The following ZNF337 variants were observed in gnomAD, a reference collection of about 807,000 sequenced individuals.
ZNF337 encodes the protein zinc finger protein 337.
Under a neutral mutation model 12.1 loss-of-function variants are expected in ZNF337, and 8 were observed. The observed-to-expected ratio is 0.66, with a 90% confidence interval of 0.39 to 1.19. The LOEUF (loss-of-function observed/expected upper bound fraction) is 1.19, where lower values mean the gene tolerates loss of function less well. Ranked by LOEUF, ZNF337 falls within the 50% of genes most tolerant of loss-of-function variation. The probability of loss-of-function intolerance (pLI) is 0.01; values close to 1 mark genes in which losing one functional copy is unlikely to be tolerated. For missense variants in ZNF337, 882 were observed against 896.6 expected (o/e 0.98, Z 0.21); for synonymous variants, 336 against 320.0 (o/e 1.05, Z -0.53).
In ZNF337 at chr20:25,677,069, A is replaced by G. The variant is rs145097207; in HGVS notation, c.251-32T>C. The G allele has an allele frequency of 5.4e-3, 8,029 of 1,496,092 alleles. 38 individuals carry two copies. The highest frequency in any genetic ancestry group is 9.4e-3 in the South Asian group (703 of 74,946). The allele number at this position is 1,496,092 out of a possible 1,614,324, so 92.7% of individuals were successfully genotyped here. On this transcript the variant is annotated intron_variant, in intron 4 of 4. Transcript: ENST00000252979. The stretch of plus-strand genomic sequence containing the variant: ...AATAGACCAACAATGAGACTGAATC[A>G]GTAACGAAAAGTCTTCTATGAAAGA...
At position 25,676,964 on chromosome 20, in the gene ZNF337, A is replaced by G; in HGVS notation, c.324T>C (p.Phe108=). The change falls in exon 5 of 5, where the codon TTT becomes TTC. Residue 108 remains phenylalanine (F), a synonymous_variant. Coordinates refer to ENST00000252979, the MANE Select transcript of ZNF337 (RefSeq NM_015655.4). ...LAHQRQQQLQ[F]SDQSFQSDTA... ...TGTCACTCTGGAAGCTTTGATCAGA[A>G]AATTGTAGTTGCTGTTGCCTCTGAT... The G allele has an allele frequency of 6.2e-7, 1 of 1,614,076 alleles. No individual in the cohort carries two copies. The highest frequency in any genetic ancestry group is 8.5e-7 in the Non-Finnish European group (1 of 1,180,002).
chr20:25,690,063 A>G (rs2065871649), intron 1 of ZNF337, among the ~76,000 whole-genome samples: 1 of 152,182 alleles, frequency 6.6e-6, no homozygotes, highest in Non-Finnish European at 1.5e-5. Flanking sequence ...ATGCATGTGG[A>G]TCGCTTGATC....
At chr20:25,686,531 TGTG>T in intron 1 of ZNF337, 65 bp from the exon 2 acceptor site, 1 of 1,273,896 alleles carries the variant, frequency 7.8e-7, no homozygotes, top group Non-Finnish European at 1.1e-6. Flanking sequence ...TGACAGTTGG[TGTG>T]ATTCCAATAC....
intron 1 of ZNF337, among the ~76,000 whole-genome samples, chr20:25,691,682 G>A (rs1171290378): frequency 6.6e-6 from 1 of 152,148 alleles, no homozygotes; most frequent in African/African-American, 2.4e-5. Flanking sequence ...ATGGGGGTGG[G>A]GAGGGTAGCA....
In ZNF337 at chr20:25,686,438, C is replaced by A. The variant is rs189102189; in HGVS notation, c.-21G>T. 6.2e-7 allele frequency: 1 copy of A among 1,613,832 alleles called. No homozygotes were observed. The highest frequency in any genetic ancestry group is 1.7e-5 in the Admixed American group (1 of 59,996). Reference sequence around the variant, plus strand: ...CCCATGACTGTCTTCCTGCTCTCCACGGAGAAGGGAAGCTTGCAGATGGCC... The same window carrying A: ...CCCATGACTGTCTTCCTGCTCTCCAAGGAGAAGGGAAGCTTGCAGATGGCC... On this transcript the variant is annotated 5_prime_UTR_variant, in exon 2 of 5. Coordinates refer to ENST00000252979, the MANE Select transcript of ZNF337 (RefSeq NM_015655.4).
intron 4 of ZNF337, among the ~76,000 whole-genome samples, chr20:25,683,457 G>A (rs2065791826): frequency 6.6e-6 from 1 of 151,460 alleles, no homozygotes; most frequent in Admixed American, 6.6e-5. Flanking sequence ...AATTGAAGAA[G>A]GAGAATAACG....
At chr20:25,696,435 G>A (rs2065930102) in intron 1 of ZNF337, among the ~76,000 whole-genome samples, 1 of 152,174 alleles carries the variant, frequency 6.6e-6, no homozygotes, top group Non-Finnish European at 1.5e-5. Flanking sequence ...CACCCGAGGA[G>A]CGGCGACCCT....
chr20:25,679,065 G>T (rs1316994671), intron 4 of ZNF337, among the ~76,000 whole-genome samples: 1 of 152,180 alleles, frequency 6.6e-6, no homozygotes, highest in Non-Finnish European at 1.5e-5. Flanking sequence ...ATACCTTAGG[G>T]TAAGGACAGA....
At position 25,673,509 on chromosome 20, in the gene ZNF337, C is replaced by T. The variant is rs1443589430; in HGVS notation, c.*1523G>A. On this transcript the variant is annotated 3_prime_UTR_variant, in exon 5 of 5. Transcript: ENST00000252979. ...CACCCAGATGGTCTGTGGCTGGGAG[C>T]ATGGCAGAGGCAATCTTGGGCATCC... is the stretch of plus-strand genomic sequence containing the variant. 1.3e-5 allele frequency among the ~76,000 whole-genome samples: 2 copies of T among 152,124 alleles called. No individual in the cohort carries two copies. Among genetic ancestry groups the T allele is most frequent in the Admixed American group, 6.5e-5 (1 of 15,274 alleles).
chr20:25,689,476 G>A (rs1427633732), intron 1 of ZNF337, among the ~76,000 whole-genome samples: 3 of 152,176 alleles, frequency 2.0e-5, no homozygotes, highest in South Asian at 4.1e-4. Flanking sequence ...CCTCTGGAAT[G>A]ATTACATGTA....
rs560513387 is a variant in ZNF337 at position 25,682,253 on chromosome 20, T to G, written c.250+3314A>C. On this transcript the variant is annotated intron_variant, in intron 4 of 4. Coordinates refer to ENST00000252979, the MANE Select transcript of ZNF337 (RefSeq NM_015655.4). Reference sequence around the variant, plus strand: ...ATTATTAGGTTTTACAGATGAAATATGATGACCAGGATTTGCTTCAAAATA... The same window carrying G: ...ATTATTAGGTTTTACAGATGAAATAGGATGACCAGGATTTGCTTCAAAATA... 1.4e-4 allele frequency among the ~76,000 whole-genome samples: 21 copies of G among 152,236 alleles called. No homozygotes were observed. The South Asian group carries it at 4.4e-3, about 32-fold the overall frequency.
At position 25,673,784 on chromosome 20, in the gene ZNF337, A is replaced by G. The variant is rs1191413598; in HGVS notation, c.*1248T>C. The G allele has an allele frequency of 3.9e-5, 6 of 152,202 alleles. No homozygotes were observed. Among genetic ancestry groups the G allele is most frequent in the African/African-American group, 9.7e-5 (4 of 41,442 alleles). 9.4% of individuals were successfully genotyped at this position (152,202 alleles called of 1,614,324 possible). A position where few individuals can be genotyped will look rare whatever the true frequency, so the allele number is the denominator to read the frequency against. ...TGCTAATGGCTGAATGAAGTCTTCA[A>G]TTTCTCAAGGTCCTTCTGCAGGTGG... On this transcript the variant is annotated 3_prime_UTR_variant, in exon 5 of 5. Transcript: ENST00000252979.
intron 1 of ZNF337, 96 bp from the exon 2 acceptor site, chr20:25,686,562 A>G: frequency 5.5e-6 from 5 of 909,462 alleles, no homozygotes; most frequent in East Asian, 2.6e-5. Context: ...GGATCTGGGG[A>G]GGGCGCACCT....
rs2065672564 is a variant in ZNF337, at chr20:25,675,605, T to A, written c.1683A>T (p.Arg561Ser). ...KSFSLKANLLRHQWTHSGERP... is the reference protein window; with the variant it reads ...KSFSLKANLLSHQWTHSGERP... Reference sequence around the variant, plus strand: ...TTTCCCCCGAGTGTGTCCACTGATGTCTAAGAAGATTTGCCTTCAAACTAA... The same window carrying A: ...TTTCCCCCGAGTGTGTCCACTGATGACTAAGAAGATTTGCCTTCAAACTAA... The change falls in exon 5 of 5, where the codon AGA becomes AGT. Residue 561 changes from arginine to serine, a missense_variant. Arg to Ser is a moderately radical substitution (Grantham distance 110). Coordinates refer to ENST00000252979, the MANE Select transcript of ZNF337 (RefSeq NM_015655.4). 1 of 1,613,610 alleles carries A rather than the reference T, an allele frequency of 6.2e-7. No individual in the cohort carries two copies. Among genetic ancestry groups the A allele is most frequent in the African/African-American group, 1.3e-5 (1 of 74,732 alleles).
intron 3 of ZNF337, 89 bp from the exon 4 acceptor site, chr20:25,685,751 GAGAATC>G: frequency 7.8e-7 from 1 of 1,274,398 alleles, no homozygotes; most frequent in Non-Finnish European, 1.1e-6. Flanking sequence ...GGAAGGGAGG[GAGAATC>G]AGAGGGGGAA....
Position 25,676,927 on chromosome 20 carries a change from G to A in ZNF337, c.361C>T (p.Gln121Ter), listed in dbSNP as rs1569007594. The A allele has an allele frequency of 6.2e-7, 1 of 1,614,006 alleles. No homozygotes were observed. The highest frequency in any genetic ancestry group is 8.5e-7 in the Non-Finnish European group (1 of 1,179,998). ...GGCTTAGTGCTTTTTTCTTTCTCTT[G>A]ACCTTCAGCTGTGTCACTCTGGAAG... ...QSFQSDTAEG[Q>*]EKEKSTKPMA... Residue 121 changes from glutamine to a stop codon, truncating the protein, a stop_gained, in exon 5 of 5, where the codon CAA (glutamine) becomes TAA (stop). Transcript: ENST00000252979. LOFTEE classifies it low-confidence loss of function (END_TRUNC).
chr20:25,685,509 T>G (rs1370657336), intron 4 of ZNF337, 58 bp downstream of exon 4: 6 of 1,466,098 alleles, frequency 4.1e-6, no homozygotes, highest in Non-Finnish European at 4.7e-6. Context: ...CAGAGAAGCC[T>G]CCTCCCTCCT....
intron 1 of ZNF337, 159 bp from the exon 2 acceptor site, chr20:25,686,625 T>C: frequency 3.4e-6 from 2 of 581,102 alleles, no homozygotes; most frequent in Non-Finnish European, 6.0e-6. Flanking sequence ...CCAGGCTCCC[T>C]GCAAATCCAG....
At chr20:25,678,146 T>C (rs556449059) in intron 4 of ZNF337, 6 of 152,244 alleles carry the variant, frequency 3.9e-5, no homozygotes, top group African/African-American at 1.4e-4. Flanking sequence ...TGATCGTACC[T>C]ATAGAAAACC....
Sources: gnomAD v4.1 joint callset for allele counts (sites outside exome capture counted in the v4.1 genomes callset) on GRCh38, gnomAD v4.1.1 for gene constraint, MANE v1.5 for transcripts, NCBI Gene and HGNC (gene_info 2026-07-23, HGNC 2026-07-21) for gene names.